CNTLN: variants seen among roughly 807,000 people sequenced by gnomAD.
The protein encoded by CNTLN is centlein, centrosomal protein.
Under a neutral mutation model 180.0 loss-of-function variants are expected in CNTLN, and 212 were observed. The ratio of observed to expected loss-of-function variants is 1.18; its 90% CI spans 1.05 to 1.32. CNTLN has a LOEUF of 1.32. CNTLN is among the 40% of genes most tolerant of loss of function. CNTLN has a pLI of 0.00. For synonymous variants in CNTLN, 722 were observed against 563.1 expected, an observed-to-expected ratio of 1.28 and a Z score of -3.99; for missense variants, 2,095 against 1,610.9, an observed-to-expected ratio of 1.30 and a Z score of -5.14.
chr9:17,486,967 T>A lies in CNTLN; in HGVS notation c.4042-22T>A, dbSNP rs768377177. 5 of 1,366,904 alleles carry A rather than the reference T, an allele frequency of 3.7e-6. No individual in the cohort carries two copies. The South Asian group carries it at 5.1e-5, about 14-fold the overall frequency. 84.7% of individuals were successfully genotyped at this position (1,366,904 alleles called of 1,614,324 possible). ...TTCATATAAATTTCGTTAACACCAGTGTTTTTATTTTTTTTCTTCAGGAAA... is the reference window on the plus strand; with the variant it reads ...TTCATATAAATTTCGTTAACACCAGAGTTTTTATTTTTTTTCTTCAGGAAA... On this transcript the variant is annotated intron_variant, in intron 24 of 25. Transcript: ENST00000380647.
chr9:17,158,460 CT>C (rs1563833089), intron 2 of CNTLN, among the ~76,000 whole-genome samples: 1 of 151,836 alleles, frequency 6.6e-6, no homozygotes, highest in Non-Finnish European at 1.5e-5. Flanking sequence ...GGTATTAATT[CT>C]TTTTTAAATA....
At chr9:17,151,397 G>C (rs1051462852) in intron 2 of CNTLN, among the ~76,000 whole-genome samples, 1 of 152,172 alleles carries the variant, frequency 6.6e-6, no homozygotes, top group African/African-American at 2.4e-5. Flanking sequence ...TGCATCTATT[G>C]AGATAATCGT....
At position 17,237,354 on chromosome 9, in the gene CNTLN, T is replaced by TACACACAC. The variant is rs59168012; in HGVS notation, c.849+811_849+818dup. On this transcript the variant is annotated intron_variant, in intron 5 of 25. Coordinates refer to ENST00000380647, the MANE Select transcript of CNTLN (RefSeq NM_017738.4). The stretch of plus-strand genomic sequence containing the variant: ...GGTGGTCTCTCCATGTATATGCCCC[T>TACACACAC]ACACACACACACACACACACACACA... 3.9e-3 allele frequency among the ~76,000 whole-genome samples: 419 copies of TACACACAC among 106,478 alleles called. 1 individual carries two copies. The highest frequency in any genetic ancestry group is 0.013 in the African/African-American group (365 of 28,502). 69.9% of individuals were successfully genotyped at this position (106,478 alleles called of 152,430 possible).
At chr9:17,485,045 C>T (rs1832827384) in intron 24 of CNTLN, among the ~76,000 whole-genome samples, 1 of 152,118 alleles carries the variant, frequency 6.6e-6, no homozygotes, top group African/African-American at 2.4e-5. Context: ...CATTTCAGCA[C>T]CTCTTGGGAA....
chr9:17,289,780 C>G (rs1829239733), intron 6 of CNTLN, among the ~76,000 whole-genome samples: 1 of 143,874 alleles, frequency 7.0e-6, no homozygotes, highest in Admixed American at 6.9e-5. Context: ...TGCTGATACC[C>G]TTTCTTCCAG....
At chr9:17,146,397 G>A (rs2131466343) in intron 2 of CNTLN, among the ~76,000 whole-genome samples, 1 of 152,134 alleles carries the variant, frequency 6.6e-6, no homozygotes, top group Middle Eastern at 3.4e-3. Context: ...TCTATGCTAT[G>A]ATCTGAATGT....
chr9:17,314,552 T>A (rs1819417970), intron 8 of CNTLN, among the ~76,000 whole-genome samples: 1 of 152,234 alleles, frequency 6.6e-6, no homozygotes, highest in Non-Finnish European at 1.5e-5. Flanking sequence ...TTCATAGTTT[T>A]GACTCTCTCT....
At chr9:17,403,545 AT>A (rs66964106) in intron 15 of CNTLN, among the ~76,000 whole-genome samples, 7 of 148,680 alleles carry the variant, frequency 4.7e-5, no homozygotes, top group East Asian at 2.0e-4. Flanking sequence ...GGAGGCATCA[AT>A]TTTTTTTTTT....
At chr9:17,475,731 G>C (rs940982486) in intron 23 of CNTLN, among the ~76,000 whole-genome samples, 1 of 151,934 alleles carries the variant, frequency 6.6e-6, no homozygotes. Flanking sequence ...AAATTAGCTG[G>C]GCATGGTGGT....
intron 13 of CNTLN, among the ~76,000 whole-genome samples, chr9:17,384,535 A>G (rs1196208547): frequency 1.3e-5 from 2 of 152,080 alleles, no homozygotes; most frequent in Admixed American, 6.6e-5. Flanking sequence ...AGTGATTGAA[A>G]TTCTCTCCTA....
chr9:17,346,475 C>T (rs1049754814), intron 12 of CNTLN, among the ~76,000 whole-genome samples: 1 of 152,212 alleles, frequency 6.6e-6, no homozygotes, highest in Non-Finnish European at 1.5e-5. Context: ...GACCATATCA[C>T]TACTGAATGG....
At chr9:17,343,263 G>A (rs10810767) in intron 12 of CNTLN, among the ~76,000 whole-genome samples, 43,681 of 151,990 alleles carry the variant, frequency 0.29, 6,658 homozygotes, top group South Asian at 0.51. Context: ...AACCTCTTCT[G>A]CTACTTAACT....
At chr9:17,337,606 T>C (rs572460098) in intron 10 of CNTLN, among the ~76,000 whole-genome samples, 1 of 152,316 alleles carries the variant, frequency 6.6e-6, no homozygotes, top group South Asian at 2.1e-4. Flanking sequence ...GAATGACATA[T>C]GGAGCTCAGG....
At chr9:17,461,996 T>C (rs1030623744) in intron 19 of CNTLN, among the ~76,000 whole-genome samples, 2 of 151,866 alleles carry the variant, frequency 1.3e-5, no homozygotes, top group Non-Finnish European at 2.9e-5. Context: ...GAAAAACTAA[T>C]AATTATTTAC....
At chr9:17,223,920 A>G (rs1292358714) in intron 2 of CNTLN, among the ~76,000 whole-genome samples, 1 of 151,972 alleles carries the variant, frequency 6.6e-6, no homozygotes, top group Non-Finnish European at 1.5e-5. Context: ...CTTTGAATAT[A>G]CCAATTGCTC....
At chr9:17,338,503 A>T (rs1399375441) in intron 10 of CNTLN, among the ~76,000 whole-genome samples, 1 of 151,396 alleles carries the variant, frequency 6.6e-6, no homozygotes, top group Non-Finnish European at 1.5e-5. Context: ...ATTATTAATA[A>T]ATTTCTAATA....
chr9:17,264,356 A>G (rs1309064661), intron 5 of CNTLN, among the ~76,000 whole-genome samples: 3 of 151,432 alleles, frequency 2.0e-5, no homozygotes, highest in South Asian at 2.1e-4. Context: ...ATAGTTGTAG[A>G]TATGCAGCGT....
intron 6 of CNTLN, among the ~76,000 whole-genome samples, chr9:17,295,259 G>A (rs1817795395): frequency 2.0e-5 from 3 of 152,260 alleles, no homozygotes; most frequent in East Asian, 3.9e-4. Flanking sequence ...GCCTTGGCCA[G>A]CCAAGAAGGG....
chr9:17,490,609 A>G (rs1833112180), intron 25 of CNTLN, among the ~76,000 whole-genome samples: 1 of 152,042 alleles, frequency 6.6e-6, no homozygotes, highest in Non-Finnish European at 1.5e-5. Flanking sequence ...GCTTACGGAT[A>G]GAATTTCTCT....
Sources: allele counts gnomAD v4.1 joint callset (sites outside exome capture counted in the v4.1 genomes callset), GRCh38; gene constraint gnomAD v4.1.1; transcripts MANE v1.5; gene names NCBI Gene and HGNC (gene_info 2026-07-23, HGNC 2026-07-21).